LINGO2: variants seen among roughly 807,000 people sequenced by gnomAD.
The protein encoded by LINGO2 is leucine-rich repeat and immunoglobulin-like domain-containing nogo receptor-interacting protein 2.
LINGO2 carries 14 observed loss-of-function variants against 30.6 expected under a neutral mutation model. That is an observed-to-expected ratio of 0.46 (90% CI 0.30 to 0.72). The LOEUF (loss-of-function observed/expected upper bound fraction) is 0.72, where lower values mean the gene tolerates loss of function less well. Among genes scored for constraint, LINGO2 ranks in the 30% least tolerant of loss-of-function variants. The probability of loss-of-function intolerance (pLI) is 0.07; values close to 1 mark genes in which losing one functional copy is unlikely to be tolerated. For synonymous variants in LINGO2, 317 were observed against 288.5 expected (o/e 1.10, Z -1.00); for missense variants, 729 against 751.7 (o/e 0.97, Z 0.35).
the LINGO2 span, among the ~76,000 whole-genome samples, chr9:29,185,616 AATTTAGACAATGGAAGTGGG>A: frequency 6.6e-6 from 1 of 152,190 alleles, no homozygotes; most frequent in Admixed American, 6.5e-5. Flanking sequence ...CTCTCCTTTT[AATTTAGACAATGGAAGTGGG>A]ATTTAGACAA....
At chr9:28,071,089 T>A (rs1286781916) in intron 4 of LINGO2, among the ~76,000 whole-genome samples, 2 of 152,200 alleles carry the variant, frequency 1.3e-5, no homozygotes, top group East Asian at 3.9e-4. Flanking sequence ...AGTTATCTTA[T>A]GGAATCATCT....
chr9:28,250,307 A>C (rs1322042086), intron 4 of LINGO2, among the ~76,000 whole-genome samples: 1 of 152,212 alleles, frequency 6.6e-6, no homozygotes, highest in Non-Finnish European at 1.5e-5. Flanking sequence ...TACAAATACT[A>C]TACAGTGTTT....
chr9:29,139,711 C>G, the LINGO2 span, among the ~76,000 whole-genome samples: 1 of 152,152 alleles, frequency 6.6e-6, no homozygotes, highest in South Asian at 2.1e-4. Flanking sequence ...CAGAGTTCAT[C>G]CCCCTTCACA....
intron 1 of LINGO2, among the ~76,000 whole-genome samples, chr9:28,564,481 T>C (rs1194381028): frequency 6.6e-6 from 1 of 152,068 alleles, no homozygotes; most frequent in Non-Finnish European, 1.5e-5. Flanking sequence ...ACTAACCAAG[T>C]TCTTGTCTCC....
intron 4 of LINGO2, among the ~76,000 whole-genome samples, chr9:28,254,620 C>A (rs751529544): frequency 2.5e-4 from 38 of 152,032 alleles, no homozygotes; most frequent in Admixed American, 9.8e-4. Context: ...TCCATCATAT[C>A]CATCTTTTAA....
At chr9:28,863,508 G>A in the LINGO2 span, 1 of 417,602 alleles carries the variant, frequency 2.4e-6, no homozygotes. Flanking sequence ...GGATTCTAGA[G>A]TATATTTACC....
intron 5 of LINGO2, among the ~76,000 whole-genome samples, chr9:27,986,489 G>A (rs1821130561): frequency 6.6e-6 from 1 of 151,742 alleles, no homozygotes; most frequent in East Asian, 1.9e-4. Flanking sequence ...GCACCATTTA[G>A]GAGTAGGGCC....
chr9:27,972,659 T>C (rs897886283), intron 5 of LINGO2, among the ~76,000 whole-genome samples: 3 of 152,182 alleles, frequency 2.0e-5, no homozygotes, highest in African/African-American at 4.8e-5. Context: ...TCCACGCAGG[T>C]AGAAATTTCT....
chr9:28,291,940 A>C (rs1194465310), intron 4 of LINGO2, among the ~76,000 whole-genome samples: 1 of 152,232 alleles, frequency 6.6e-6, no homozygotes, highest in Admixed American at 6.5e-5. Context: ...GCAGCCAAAG[A>C]AAAAAGACAC....
intron 1 of LINGO2, among the ~76,000 whole-genome samples, chr9:28,657,161 T>C (rs1321240195): frequency 6.6e-6 from 1 of 152,124 alleles, no homozygotes; most frequent in Non-Finnish European, 1.5e-5. Flanking sequence ...TCGAGTTGTT[T>C]TTTATTTCTT....
At chr9:28,823,315 G>C in the LINGO2 span, among the ~76,000 whole-genome samples, 1 of 152,160 alleles carries the variant, frequency 6.6e-6, no homozygotes, top group East Asian at 1.9e-4. Flanking sequence ...CATCTAGGCA[G>C]ATGGTTCCTA....
the LINGO2 span, among the ~76,000 whole-genome samples, chr9:28,945,697 G>T: frequency 6.6e-6 from 1 of 152,064 alleles, no homozygotes; most frequent in African/African-American, 2.4e-5. Context: ...GCTACCCTCT[G>T]TATTTAAAAT....
the LINGO2 span, among the ~76,000 whole-genome samples, chr9:29,101,346 G>A: frequency 1.3e-5 from 2 of 152,160 alleles, no homozygotes; most frequent in African/African-American, 4.8e-5. Context: ...TCAGTGTAGG[G>A]TAAATCTATG....
the LINGO2 span, among the ~76,000 whole-genome samples, chr9:28,922,013 C>T: frequency 3.0e-4 from 46 of 152,148 alleles, no homozygotes; most frequent in Non-Finnish European, 6.0e-4. Context: ...GCCCCATGCC[C>T]TCCCCCAGGC....
At chr9:28,347,897 A>T (rs1438849046) in intron 3 of LINGO2, among the ~76,000 whole-genome samples, 1 of 152,164 alleles carries the variant, frequency 6.6e-6, no homozygotes, top group Non-Finnish European at 1.5e-5. Context: ...AGATGTTTCT[A>T]CTATGTTGTT....
intron 4 of LINGO2, among the ~76,000 whole-genome samples, chr9:28,177,030 T>C (rs113587035): frequency 0.016 from 2,444 of 152,292 alleles, 48 homozygotes; most frequent in African/African-American, 0.048. Context: ...TGCGATAGCA[T>C]TTACCAAGTC....
chr9:28,040,951 G>A (rs557160006), intron 4 of LINGO2, among the ~76,000 whole-genome samples: 13 of 152,298 alleles, frequency 8.5e-5, no homozygotes, highest in African/African-American at 2.6e-4. Flanking sequence ...TACCCAGGAA[G>A]TTATCAATTT....
At chr9:28,851,443 C>T in the LINGO2 span, among the ~76,000 whole-genome samples, 1 of 152,044 alleles carries the variant, frequency 6.6e-6, no homozygotes, top group Non-Finnish European at 1.5e-5. Context: ...TATATTGGGT[C>T]TACCCAGGTA....
chr9:28,745,084 C>G, the LINGO2 span, among the ~76,000 whole-genome samples: 1 of 152,008 alleles, frequency 6.6e-6, no homozygotes, highest in Non-Finnish European at 1.5e-5. Context: ...TGCCCATGTT[C>G]AACCTGGGAC....
Sources: gnomAD v4.1 joint callset for allele counts (sites outside exome capture counted in the v4.1 genomes callset) on GRCh38, gnomAD v4.1.1 for gene constraint, MANE v1.5 for transcripts, NCBI Gene and HGNC (gene_info 2026-07-23, HGNC 2026-07-21) for gene names.